The following ZNF534 variants were observed in gnomAD, a reference collection of about 807,000 sequenced individuals.
The protein encoded by ZNF534 is KRAB domain only 3.
Under a neutral mutation model 13.6 loss-of-function variants are expected in ZNF534, and 19 were observed. The ratio of observed to expected loss-of-function variants is 1.40; its 90% CI spans 0.97 to 2.05. ZNF534 has a LOEUF of 2.05. Ranked by LOEUF, ZNF534 falls within the 30% of genes most tolerant of loss-of-function variation. The pLI is 0.00. For missense variants in ZNF534, 782 were observed against 796.3 expected (o/e 0.98, Z 0.22); for synonymous variants, 244 against 273.8 (o/e 0.89, Z 1.07).
chr19:52,433,409 C>T (rs1201134312), intron 2 of ZNF534, among the ~76,000 whole-genome samples: 1 of 151,920 alleles, frequency 6.6e-6, no homozygotes, highest in Non-Finnish European at 1.5e-5. Context: ...CTCTGTCACC[C>T]AGGCTGGAGT....
downstream of ZNF534, among the ~76,000 whole-genome samples, chr19:52,443,604 G>A (rs1438474838): frequency 6.6e-6 from 1 of 152,032 alleles, no homozygotes; most frequent in African/African-American, 2.4e-5. Flanking sequence ...ACAAAAATTA[G>A]TTGGGCATGG....
At chr19:52,433,665 A>T (rs2059107917) in intron 2 of ZNF534, among the ~76,000 whole-genome samples, 8 of 152,206 alleles carry the variant, frequency 5.3e-5, no homozygotes, top group Admixed American at 5.2e-4. Context: ...CGTGCCCGGC[A>T]GTAATACCTA....
chr19:52,438,635 T>C lies in ZNF534; in HGVS notation c.1175T>C (p.Ile392Thr), dbSNP rs2059147311. The C allele has an allele frequency of 2.5e-6, 4 of 1,588,030 alleles. No individual in the cohort carries two copies. Among genetic ancestry groups the C allele is most frequent in the Middle Eastern group, 3.3e-4 (2 of 6,008 alleles). Reference sequence around the variant, plus strand: ...TGTAATGAGTGTGGCAAGGTCTTTATTGGCAATTCACGCCTTGCACGACAT... The same window carrying C: ...TGTAATGAGTGTGGCAAGGTCTTTACTGGCAATTCACGCCTTGCACGACAT... Reference protein sequence around the residue: ...YKCNECGKVFIGNSRLARHRK... With the variant: ...YKCNECGKVFTGNSRLARHRK... Residue 392 changes from isoleucine (I) to threonine (T), a missense_variant, in exon 5 of 5, where the codon ATT (isoleucine) becomes ACT (threonine). This residue lies in a region of ZNF534 where 591 missense variants were observed against 574.0 expected (regional missense o/e 1.03). Transcript: ENST00000433050.
intron 1 of ZNF534, among the ~76,000 whole-genome samples, chr19:52,429,681 C>T (rs912912714): frequency 7.3e-5 from 11 of 151,306 alleles, no homozygotes; most frequent in African/African-American, 2.7e-4. Context: ...CTGCAAACTC[C>T]GCCTCCCGGA....
chr19:52,429,639 A>G (rs2059073711), intron 1 of ZNF534, among the ~76,000 whole-genome samples: 1 of 143,498 alleles, frequency 7.0e-6, no homozygotes, highest in Non-Finnish European at 1.5e-5. Context: ...CTTGTTGCCC[A>G]GGCTGGAGTG....
intron 2 of ZNF534, among the ~76,000 whole-genome samples, chr19:52,433,259 AAGAAAG>A (rs1467387484): frequency 2.0e-5 from 3 of 150,544 alleles, no homozygotes; most frequent in Non-Finnish European, 4.4e-5. Flanking sequence ...AAAAAAAAAA[AAGAAAG>A]AAAGCACTGT....
chr19:52,450,502 C>T (rs776429326), intron 4 of ZNF534, among the ~76,000 whole-genome samples: 2 of 151,902 alleles, frequency 1.3e-5, no homozygotes, highest in Non-Finnish European at 2.9e-5. Context: ...CTATTCTGTT[C>T]TGTTGCTCTA....
chr19:52,433,582 G>T lies in ZNF534; in HGVS notation c.16-373G>T, dbSNP rs564266988. ...GGGGTTTCACCGTGTTGGCCAAGAT[G>T]GTCTTGATCTCCTGACCTCGTGATC... On this transcript the variant is annotated intron_variant, in intron 2 of 4. Transcript: ENST00000433050. Among the ~76,000 whole-genome samples, 1,199 of 152,292 alleles carry T rather than the reference G, an allele frequency of 7.9e-3. 18 individuals carry two copies. Among genetic ancestry groups the T allele is most frequent in the Non-Finnish European group, 9.7e-3 (657 of 68,024 alleles).
At chr19:52,436,883 T>C (rs2059132245) in intron 4 of ZNF534, among the ~76,000 whole-genome samples, 1 of 152,194 alleles carries the variant, frequency 6.6e-6, no homozygotes, top group African/African-American at 2.4e-5. Context: ...TATCTTTTAG[T>C]TTGGTGTCTG....
At position 52,437,883 on chromosome 19, in the gene ZNF534, C is replaced by T. The variant is rs1432300750; in HGVS notation, c.423C>T (p.Asp141=). ...AGCATGTTGAGAAATCTATCAGTGACAATTCTTCAGTTTCACCAGTTCAAA... is the reference window on the plus strand; with the variant it reads ...AGCATGTTGAGAAATCTATCAGTGATAATTCTTCAGTTTCACCAGTTCAAA... ...GCKHVEKSIS[D]NSSVSPVQIS... The change falls in exon 5 of 5, where the codon GAC becomes GAT. Residue 141 remains aspartate (D), a synonymous_variant. Transcript: ENST00000433050. 3 of 1,613,532 alleles carry T rather than the reference C, an allele frequency of 1.9e-6. No homozygotes were observed. The South Asian group carries it at 3.3e-5, about 18-fold the overall frequency.
Position 52,440,059 on chromosome 19 carries a change from ACTCT to A in ZNF534, c.*614_*617del, listed in dbSNP as rs1320226933. Among the ~76,000 whole-genome samples, 1 of 25,124 alleles carries A rather than the reference ACTCT, an allele frequency of 4.0e-5. No homozygotes were observed. The highest frequency in any genetic ancestry group is 2.0e-4 in the Non-Finnish European group (1 of 4,912). The allele number at this position is 25,124 out of a possible 152,430, so 16.5% of individuals were successfully genotyped here. On this transcript the variant is annotated 3_prime_UTR_variant, in exon 5 of 5. Transcript: ENST00000433050. Reference sequence around the variant, plus strand: ...CTCCAGCTTGGGCAAGAGGAGCAAAACTCTTTCTTTAAAAACAAAACAAAAAAAG... The same window carrying A: ...CTCCAGCTTGGGCAAGAGGAGCAAAATTCTTTAAAAACAAAACAAAAAAAG...
intron 4 of ZNF534, among the ~76,000 whole-genome samples, chr19:52,447,666 C>T (rs1304623203): frequency 1.3e-5 from 2 of 151,996 alleles, no homozygotes; most frequent in African/African-American, 2.4e-5. Flanking sequence ...ATGTTAATAT[C>T]GTGGATTACA....
chr19:52,441,899 A>G lies in ZNF534; in HGVS notation c.*2453A>G, dbSNP rs548425267. Among the ~76,000 whole-genome samples the G allele has an allele frequency of 2.0e-4, 31 of 152,354 alleles. No homozygotes were observed. Among genetic ancestry groups the G allele is most frequent in the African/African-American group, 7.0e-4 (29 of 41,588 alleles). On this transcript the variant is annotated 3_prime_UTR_variant, in exon 5 of 5. Transcript: ENST00000433050. ...TTGGACAGCATCAGATAATTTATTC[A>G]TGAAAGAGTCCTTACAAGCTGTGTA...
Position 52,439,595 on chromosome 19 carries a change from A to T in ZNF534, c.*149A>T. Reference sequence around the variant, plus strand: ...CATCTCTACTAAAAATACAAAAAAAAAAAAAAAAAAAAAATTAGCTGGGTG... The same window carrying T: ...CATCTCTACTAAAAATACAAAAAAATAAAAAAAAAAAAAATTAGCTGGGTG... On this transcript the variant is annotated 3_prime_UTR_variant, in exon 5 of 5. Transcript: ENST00000433050. 1.4e-4 allele frequency: 1 copy of T among 7,314 alleles called. No homozygotes were observed. Among genetic ancestry groups the T allele is most frequent in the Admixed American group, 4.8e-3 (1 of 210 alleles). The allele number at this position is 7,314 out of a possible 1,614,324, so 0.5% of individuals were successfully genotyped here. A position where few individuals can be genotyped will look rare whatever the true frequency, so the allele number is the denominator to read the frequency against.
chr19:52,451,516 C>T, exon 5 of ZNF534: 1 of 596,542 alleles, frequency 1.7e-6, no homozygotes, highest in Non-Finnish European at 2.9e-6. Context: ...CCGTTTCACC[C>T]AGCCAGCGGG....
intron 4 of ZNF534, 142 bp from the exon 5 acceptor site, chr19:52,437,589 AC>A: frequency 1.3e-6 from 1 of 771,154 alleles, no homozygotes; most frequent in Non-Finnish European, 2.0e-6. Flanking sequence ...AGCCTGGGTG[AC>A]AATGTGAGAC....
intron 4 of ZNF534, 141 bp from the exon 5 acceptor site, chr19:52,437,591 A>G (rs961955234): frequency 3.8e-6 from 3 of 779,928 alleles, no homozygotes; most frequent in Non-Finnish European, 4.0e-6. Flanking sequence ...CCTGGGTGAC[A>G]ATGTGAGACT....
At position 52,438,186 on chromosome 19, in the gene ZNF534, C is replaced by G; in HGVS notation, c.726C>G (p.Tyr242Ter). 4 of 1,614,128 alleles carry G rather than the reference C, an allele frequency of 2.5e-6. No homozygotes were observed. Among genetic ancestry groups the G allele is most frequent in the Non-Finnish European group, 3.4e-6 (4 of 1,180,006 alleles). Residue 242 changes from tyrosine to a stop codon, truncating the protein, a stop_gained, in exon 5 of 5, where the codon TAC becomes TAG. Coordinates refer to ENST00000433050, the MANE Select transcript of ZNF534 (RefSeq NM_001143938.3). LOFTEE classifies it low-confidence loss of function (END_TRUNC). ...GAATCCATACTGGAGAGAAGCCTTA[C>G]AAATATAATGAATGTGGCAAAGTCT... ...HQRIHTGEKP[Y>*]KYNECGKVFN...
Position 52,438,529 on chromosome 19 carries a change from A to T in ZNF534, c.1069A>T (p.Asn357Tyr). The change falls in exon 5 of 5, where the codon AAT (asparagine) becomes TAT (tyrosine). Residue 357 changes from asparagine to tyrosine, a missense_variant. By Grantham distance (143) the Asn-to-Tyr change is moderately radical (BLOSUM62 -2). Coordinates refer to ENST00000433050, the MANE Select transcript of ZNF534 (RefSeq NM_001143938.3). ...TACTGGAGAGAGACCATACAAATGT[A>T]ATGAATGTGGCAAGGGGTTTAGTCG... ...VHTGERPYKCNECGKGFSRIA... is the reference protein window; with the variant it reads ...VHTGERPYKCYECGKGFSRIA... 6.3e-7 allele frequency: 1 copy of T among 1,584,162 alleles called. No homozygotes were observed. The highest frequency in any genetic ancestry group is 8.6e-7 in the Non-Finnish European group (1 of 1,164,280).
Sources: allele counts gnomAD v4.1 joint callset (sites outside exome capture counted in the v4.1 genomes callset), GRCh38; gene constraint gnomAD v4.1.1; regional missense constraint gnomAD v4.1.1; transcripts MANE v1.5; gene names NCBI Gene and HGNC (gene_info 2026-07-23, HGNC 2026-07-21).